UQCC2: variants seen among roughly 807,000 people sequenced by gnomAD.
The protein encoded by UQCC2 is breast cancer-associated protein SGA-81M.
UQCC2 carries 21 observed loss-of-function variants against 19.9 expected under a neutral mutation model. The observed-to-expected ratio is 1.05, with a 90% CI of 0.75 to 1.52. UQCC2 has a LOEUF of 1.52. Ranked by LOEUF, UQCC2 falls within the 40% of genes most tolerant of loss-of-function variation. The pLI, the probability that UQCC2 is intolerant of heterozygous loss-of-function variation, is 0.00. For synonymous variants in UQCC2, 57 were observed against 60.9 expected (o/e 0.94, Z 0.30); for missense variants, 135 against 157.5 (o/e 0.86, Z 0.76).
intron 1 of UQCC2, among the ~76,000 whole-genome samples, chr6:33,707,558 T>C (rs1765714739): frequency 6.6e-6 from 1 of 152,236 alleles, no homozygotes; most frequent in Non-Finnish European, 1.5e-5. Context: ...TGGGCCAATA[T>C]TATTATACTT....
intron 1 of UQCC2, among the ~76,000 whole-genome samples, chr6:33,704,270 G>A (rs566343269): frequency 6.6e-6 from 1 of 152,344 alleles, no homozygotes; most frequent in East Asian, 1.9e-4. Context: ...TGTACAAGGT[G>A]CTATGGGCCT....
At chr6:33,707,916 T>G (rs758182462) in intron 1 of UQCC2, among the ~76,000 whole-genome samples, 7 of 152,228 alleles carry the variant, frequency 4.6e-5, no homozygotes, top group Non-Finnish European at 1.0e-4. Context: ...TAAGAGGAGT[T>G]ACATGTGTTC....
intron 2 of UQCC2, 79 bp downstream of exon 2, chr6:33,701,267 T>C: frequency 1.4e-6 from 2 of 1,449,466 alleles, no homozygotes; most frequent in Non-Finnish European, 1.9e-6. Context: ...TACAAAACAT[T>C]ACCTAATCAG....
intron 1 of UQCC2, among the ~76,000 whole-genome samples, chr6:33,704,035 TATA>T (rs758961382): frequency 6.6e-6 from 1 of 152,138 alleles, no homozygotes; most frequent in Non-Finnish European, 1.5e-5. Flanking sequence ...TAAAAGAAAA[TATA>T]ATAATAGCCC....
At chr6:33,711,278 T>G (rs1288268284) in intron 1 of UQCC2, among the ~76,000 whole-genome samples, 1 of 151,836 alleles carries the variant, frequency 6.6e-6, no homozygotes, top group Non-Finnish European at 1.5e-5. Flanking sequence ...TCTCAAAGAG[T>G]GCTGGAATTA....
chr6:33,705,363 GAC>G (rs1242867647), intron 1 of UQCC2, among the ~76,000 whole-genome samples: 1 of 152,194 alleles, frequency 6.6e-6, no homozygotes. Flanking sequence ...GTGTGAAAGA[GAC>G]AGTCTCCTAG....
At chr6:33,701,937 G>C (rs983038377) in intron 1 of UQCC2, among the ~76,000 whole-genome samples, 2 of 151,892 alleles carry the variant, frequency 1.3e-5, no homozygotes, top group Non-Finnish European at 2.9e-5. Context: ...AGGCCTTCCT[G>C]GGGGAGGAGA....
chr6:33,710,265 T>G (rs1451446446), intron 1 of UQCC2, among the ~76,000 whole-genome samples: 5 of 152,166 alleles, frequency 3.3e-5, no homozygotes, highest in African/African-American at 1.2e-4. Context: ...TTGCCCCCTA[T>G]AGCCCACTCA....
In UQCC2 at chr6:33,711,574, G is replaced by A. The variant is rs758762188; in HGVS notation, c.113C>T (p.Ala38Val). The change falls in exon 1 of 4, where the codon GCC (alanine) becomes GTC (valine). Residue 38 changes from alanine (A) to valine (V), a missense_variant. Ala to Val is a moderately conservative substitution (Grantham distance 64). Transcript: ENST00000607484. ...CTGGGTATTCTCTCCCTCCCGAAAG[G>A]CCTGTGCTACCCGCTGTCGCAGGTA... ...GAYLRQRVAQ[A>V]FREGENTQVA... 6.8e-6 allele frequency: 11 copies of A among 1,612,768 alleles called. No homozygotes were observed. In the African/African-American group the frequency reaches 1.2e-4, roughly 18 times the overall value.
chr6:33,711,014 G>A (rs1561892522), intron 1 of UQCC2, among the ~76,000 whole-genome samples: 1 of 152,152 alleles, frequency 6.6e-6, no homozygotes, highest in Non-Finnish European at 1.5e-5. Flanking sequence ...ACAACACTGC[G>A]AAATAATGAG....
chr6:33,708,345 T>C (rs964378448), intron 1 of UQCC2, among the ~76,000 whole-genome samples: 41 of 152,128 alleles, frequency 2.7e-4, no homozygotes, highest in African/African-American at 9.4e-4. Context: ...AGGGGCTGGG[T>C]CTGTTTCTCA....
chr6:33,707,252 T>C (rs932241320), intron 1 of UQCC2, among the ~76,000 whole-genome samples: 2 of 152,228 alleles, frequency 1.3e-5, no homozygotes, highest in Admixed American at 1.3e-4. Flanking sequence ...AGGTTTTCGA[T>C]GGGCTCAATA....
At chr6:33,698,447 A>C (rs1180837969) in intron 3 of UQCC2, 1 of 152,168 alleles carries the variant, frequency 6.6e-6, no homozygotes, top group Non-Finnish European at 1.5e-5. Context: ...GAAAAAAAAA[A>C]CCACACGTAC....
chr6:33,697,606 T>C lies in UQCC2; in HGVS notation c.*47A>G. 2 of 1,422,674 alleles carry C rather than the reference T, an allele frequency of 1.4e-6. No homozygotes were observed. The highest frequency in any genetic ancestry group is 1.9e-6 in the Non-Finnish European group (2 of 1,035,790). 88.1% of individuals were successfully genotyped at this position (1,422,674 alleles called of 1,614,324 possible). On this transcript the variant is annotated 3_prime_UTR_variant, in exon 4 of 4. Transcript: ENST00000607484. ...GGGGCAGTTTTATTGACGATGGCAA[T>C]GTACAAGACTCCACACCTAGGTATG... is the stretch of plus-strand genomic sequence containing the variant.
chr6:33,705,033 CTTTTTTTTTT>C (rs544104803), intron 1 of UQCC2, among the ~76,000 whole-genome samples: 1 of 131,304 alleles, frequency 7.6e-6, no homozygotes, highest in Non-Finnish European at 1.6e-5. Context: ...ACTCTCACTT[CTTTTTTTTTT>C]TTTTTTTAGA....
At chr6:33,700,393 A>G in intron 3 of UQCC2, 51 bp downstream of exon 3, 5 of 1,596,896 alleles carry the variant, frequency 3.1e-6, no homozygotes, top group Non-Finnish European at 4.3e-6. Flanking sequence ...GGCCACTCAA[A>G]CTCAGAATCA....
chr6:33,704,884 C>T (rs1765681097), intron 1 of UQCC2, among the ~76,000 whole-genome samples: 1 of 152,144 alleles, frequency 6.6e-6, no homozygotes, highest in Admixed American at 6.5e-5. Flanking sequence ...GCTGTCCTTC[C>T]TTGCCACGTA....
chr6:33,706,251 A>G (rs550139138), intron 1 of UQCC2, among the ~76,000 whole-genome samples: 1 of 152,260 alleles, frequency 6.6e-6, no homozygotes, highest in African/African-American at 2.4e-5. Flanking sequence ...CTATAAAAAA[A>G]GGTTTTCAAG....
intron 1 of UQCC2, among the ~76,000 whole-genome samples, chr6:33,711,150 C>A (rs1765763984): frequency 6.6e-6 from 1 of 152,088 alleles, no homozygotes; most frequent in Non-Finnish European, 1.5e-5. Flanking sequence ...AGGTCAAGAC[C>A]CCACCCCTAG....
Sources: gnomAD v4.1 joint callset for allele counts (sites outside exome capture counted in the v4.1 genomes callset) on GRCh38, gnomAD v4.1.1 for gene constraint, MANE v1.5 for transcripts, NCBI Gene and HGNC (gene_info 2026-07-23, HGNC 2026-07-21) for gene names.